Variants in RNF128 observed in about 807,000 individuals in gnomAD.
RNF128 encodes ring finger protein 128.
In RNF128, 13 loss-of-function variants were observed where a neutral mutation model predicts 26.2. The observed-to-expected ratio is 0.50, with a 90% CI of 0.32 to 0.79. RNF128 has a LOEUF of 0.79. Ranked by LOEUF, RNF128 falls within the 30% of genes least tolerant of loss-of-function variation. RNF128 has a pLI of 0.03. For missense variants in RNF128, 315 were observed against 349.7 expected, an observed-to-expected ratio of 0.90 and a Z score of 0.79; for synonymous variants, 149 against 142.5, an observed-to-expected ratio of 1.05 and a Z score of -0.32.
intron 2 of RNF128, among the ~76,000 whole-genome samples, chrX:106,783,891 G>A (rs1276834201): frequency 2.7e-5 from 3 of 110,463 alleles, no homozygotes; most frequent in Non-Finnish European, 5.7e-5. Flanking sequence ...CGGGAACTGA[G>A]AACTCACTCA....
At chrX:106,771,771 A>G (rs1930376115) in intron 1 of RNF128, among the ~76,000 whole-genome samples, 1 of 112,749 alleles carries the variant, frequency 8.9e-6, no homozygotes, top group Admixed American at 9.3e-5. Flanking sequence ...AGTGAGATGA[A>G]CCCAGTACCT....
At chrX:106,732,918 T>A (rs915250447) in intron 1 of RNF128, among the ~76,000 whole-genome samples, 1 of 111,130 alleles carries the variant, frequency 9.0e-6, no homozygotes, top group African/African-American at 3.3e-5. Context: ...AAAGTAAAAA[T>A]CTTTTTTAAA....
intron 1 of RNF128, among the ~76,000 whole-genome samples, chrX:106,750,613 G>A (rs1179825007): frequency 1.8e-5 from 2 of 111,651 alleles, no homozygotes; most frequent in African/African-American, 6.5e-5. Context: ...CAATGTAAAT[G>A]TCAGACAGAG....
intron 1 of RNF128, among the ~76,000 whole-genome samples, chrX:106,736,194 T>C (rs1929593706): frequency 9.0e-6 from 1 of 111,632 alleles, no homozygotes; most frequent in South Asian, 3.7e-4. Context: ...ATTCTTATTT[T>C]ACACTTTATT....
chrX:106,792,721 A>G (rs1045505799), intron 6 of RNF128, among the ~76,000 whole-genome samples: 26 of 111,327 alleles, frequency 2.3e-4, no homozygotes, highest in African/African-American at 8.5e-4. Flanking sequence ...TCTTGACTAG[A>G]TGTGATGGCC....
At chrX:106,715,212 G>C (rs905055899) in intron 1 of RNF128, among the ~76,000 whole-genome samples, 4 of 111,862 alleles carry the variant, frequency 3.6e-5, no homozygotes, top group Non-Finnish European at 7.5e-5. Context: ...ATTTGGTGTA[G>C]ACACATTATT....
intron 1 of RNF128, among the ~76,000 whole-genome samples, chrX:106,741,907 C>T (rs1929708396): frequency 8.9e-6 from 1 of 111,927 alleles, no homozygotes; most frequent in African/African-American, 3.2e-5. Flanking sequence ...AGTGTAAAAG[C>T]AGGACATCTA....
intron 1 of RNF128, among the ~76,000 whole-genome samples, chrX:106,730,681 C>T (rs1929486161): frequency 9.0e-6 from 1 of 111,493 alleles, no homozygotes; most frequent in Admixed American, 9.6e-5. Flanking sequence ...TTCCTTGAGT[C>T]AACATTGTAG....
intron 2 of RNF128, among the ~76,000 whole-genome samples, chrX:106,781,254 T>C (rs1398414045): frequency 8.9e-6 from 1 of 111,816 alleles, no homozygotes; most frequent in Admixed American, 9.5e-5. Flanking sequence ...ATTTATAGAC[T>C]AAGGAAATTC....
At chrX:106,766,481 T>C (rs1217535936) in intron 1 of RNF128, among the ~76,000 whole-genome samples, 1 of 112,616 alleles carries the variant, frequency 8.9e-6, no homozygotes, top group East Asian at 2.8e-4. Context: ...TGAACATTTT[T>C]TCATGTGTCT....
intron 1 of RNF128, among the ~76,000 whole-genome samples, chrX:106,709,623 C>T (rs767732838): frequency 9.0e-6 from 1 of 110,673 alleles, no homozygotes; most frequent in Non-Finnish European, 1.9e-5. Context: ...CTGGGCTCAC[C>T]GCAACCTCTG....
chrX:106,780,769 GAT>G (rs762281789), intron 2 of RNF128, among the ~76,000 whole-genome samples: 42 of 112,274 alleles, frequency 3.7e-4, no homozygotes, highest in Non-Finnish European at 7.0e-4. Context: ...ATAGTGGAGA[GAT>G]CATGGGCTTT....
chrX:106,736,452 C>G (rs368821515), intron 1 of RNF128, among the ~76,000 whole-genome samples: 5 of 111,426 alleles, frequency 4.5e-5, no homozygotes, highest in Admixed American at 3.8e-4. Flanking sequence ...CACATACATA[C>G]ACACCCCTCT....
intron 1 of RNF128, among the ~76,000 whole-genome samples, chrX:106,760,138 G>A (rs1420900929): frequency 9.0e-6 from 1 of 110,943 alleles, no homozygotes; most frequent in African/African-American, 3.3e-5. Flanking sequence ...TTACTTTTTC[G>A]AGTGTTCATT....
At chrX:106,715,828 T>A (rs1386296941) in intron 1 of RNF128, among the ~76,000 whole-genome samples, 1 of 111,536 alleles carries the variant, frequency 9.0e-6, no homozygotes, top group East Asian at 2.8e-4. Context: ...TCTACTACAG[T>A]TCAGGCAGGG....
chrX:106,715,064 G>T (rs867073667), intron 1 of RNF128, among the ~76,000 whole-genome samples: 1 of 111,531 alleles, frequency 9.0e-6, no homozygotes, highest in Non-Finnish European at 1.9e-5. Context: ...TGAGATAAAG[G>T]TCCATGACTG....
intron 1 of RNF128, among the ~76,000 whole-genome samples, chrX:106,719,341 C>T (rs1748712014): frequency 9.0e-6 from 1 of 110,911 alleles, no homozygotes; most frequent in Non-Finnish European, 1.9e-5. Context: ...CTGTCTCAGC[C>T]TCTCGAGTAC....
At chrX:106,757,758 C>A (rs1930049461) in intron 1 of RNF128, among the ~76,000 whole-genome samples, 2 of 110,916 alleles carry the variant, frequency 1.8e-5, no homozygotes, top group African/African-American at 6.6e-5. Flanking sequence ...TAAAAAAAAC[C>A]CTAAAAAATC....
At chrX:106,729,575 A>G (rs1929469192) in intron 1 of RNF128, among the ~76,000 whole-genome samples, 1 of 111,468 alleles carries the variant, frequency 9.0e-6, no homozygotes, top group African/African-American at 3.3e-5. Flanking sequence ...TCAGGATACC[A>G]TATAGGAATA....
Sources: allele counts gnomAD v4.1 joint callset (sites outside exome capture counted in the v4.1 genomes callset), GRCh38; gene constraint gnomAD v4.1.1; transcripts MANE v1.5; gene names NCBI Gene and HGNC (gene_info 2026-07-23, HGNC 2026-07-21).